MAU2: variants seen among roughly 807,000 people sequenced by gnomAD.
MAU2 encodes the protein MAU2 sister chromatid cohesion factor, also known as MAU2 chromatid cohesion factor homolog.
Under a neutral mutation model 89.1 loss-of-function variants are expected in MAU2, and 9 were observed. That is an observed-to-expected ratio of 0.10 (90% confidence interval 0.06 to 0.18). MAU2 has a LOEUF of 0.18. MAU2 is among the 10% of genes least tolerant of loss of function. The probability of loss-of-function intolerance (pLI) is 1.00; values close to 1 mark genes in which losing one functional copy is unlikely to be tolerated. For missense variants in MAU2, 425 were observed against 803.5 expected, an observed-to-expected ratio of 0.53 and a Z score of 5.69; for synonymous variants, 357 against 343.4, an observed-to-expected ratio of 1.04 and a Z score of -0.44.
Position 19,341,281 on chromosome 19 carries a change from G to A in MAU2, c.609G>A (p.Glu203=). ...MLLLMERKLQ[E]VHPLLTLCGQ... ...TGCTGATGGAGCGAAAGCTGCAGGA[G>A]GTGCACCCGCTGCTGACCCTCTGCG... Residue 203 remains glutamate, a synonymous_variant, in exon 7 of 19, where the codon GAG becomes GAA. Transcript: ENST00000262815. 6 of 1,612,480 alleles carry A rather than the reference G, an allele frequency of 3.7e-6. No homozygotes were observed. The highest frequency in any genetic ancestry group is 5.1e-6 in the Non-Finnish European group (6 of 1,179,996).
chr19:19,325,382 G>T (rs935649307), intron 1 of MAU2, among the ~76,000 whole-genome samples: 4 of 151,972 alleles, frequency 2.6e-5, no homozygotes, highest in African/African-American at 9.7e-5. Flanking sequence ...CACCACGTTG[G>T]TCAGGCTGGC....
intron 4 of MAU2, among the ~76,000 whole-genome samples, chr19:19,337,524 G>A (rs1053861936): frequency 6.6e-5 from 10 of 152,242 alleles, no homozygotes; most frequent in Non-Finnish European, 1.0e-4. Context: ...GGGCTTCCCC[G>A]GGGCCAACAC....
chr19:19,327,793 G>A (rs2061523714), intron 1 of MAU2, among the ~76,000 whole-genome samples: 3 of 152,104 alleles, frequency 2.0e-5, no homozygotes, highest in African/African-American at 7.2e-5. Flanking sequence ...GCAGATTCTG[G>A]AGCTGTTACA....
chr19:19,342,701 C>T lies in MAU2; in HGVS notation c.882+20C>T, dbSNP rs376078783. On this transcript the variant is annotated intron_variant, in intron 8 of 18. Coordinates refer to ENST00000262815, the MANE Select transcript of MAU2 (RefSeq NM_015329.4). ...TACCTGGTGCGTCCCCACCAGGGCC[C>T]GGGCCAGGGCTGGGGGCGGGGGCAG... 21 of 1,612,888 alleles carry T rather than the reference C, an allele frequency of 1.3e-5. No individual in the cohort carries two copies. The highest frequency in any genetic ancestry group is 4.0e-5 in the African/African-American group (3 of 74,878).
At chr19:19,342,724 C>CAGGGAG (rs758141145) in intron 8 of MAU2, 43 bp downstream of exon 8, 10 of 1,613,084 alleles carry the variant, frequency 6.2e-6, no homozygotes, top group Admixed American at 3.3e-5. Flanking sequence ...GGGGCGGGGG[C>CAGGGAG]AGGGAGAGGG....
At chr19:19,351,780 C>T (rs1335646964) in intron 16 of MAU2, among the ~76,000 whole-genome samples, 1 of 151,700 alleles carries the variant, frequency 6.6e-6, no homozygotes, top group East Asian at 1.9e-4. Context: ...TGTCATCCAT[C>T]CCTTCCCACT....
At chr19:19,335,855 A>G in intron 2 of MAU2, 120 bp downstream of exon 2, 1 of 1,173,688 alleles carries the variant, frequency 8.5e-7, no homozygotes, top group Non-Finnish European at 1.3e-6. Context: ...CGGCCCACAG[A>G]GCACCTGGAG....
intron 18 of MAU2, 94 bp downstream of exon 18, chr19:19,355,485 A>C: frequency 6.5e-7 from 1 of 1,537,680 alleles, no homozygotes. Context: ...TCTTTTGTCC[A>C]ACAAACCCTA....
In MAU2 at chr19:19,345,706, C is replaced by T. The variant is rs1229857429; in HGVS notation, c.1221+337C>T. Among the ~76,000 whole-genome samples, 1 of 152,172 alleles carries T rather than the reference C, an allele frequency of 6.6e-6. No homozygotes were observed. ...GATTGGCTCAAGTGTCAGCTGACAA[C>T]TCAGAGCCATCCTGGGTTCAGGGCT... is the stretch of plus-strand genomic sequence containing the variant. On this transcript the variant is annotated intron_variant, in intron 12 of 18. Coordinates refer to ENST00000262815, the MANE Select transcript of MAU2 (RefSeq NM_015329.4). This position sits in a 1 kb window ranked among gnomAD's most constrained non-coding sequence, Gnocchi z 4.9.
At chr19:19,353,589 TG>T (rs1351820156) in intron 16 of MAU2, 3 of 152,326 alleles carry the variant, frequency 2.0e-5, no homozygotes, top group Non-Finnish European at 4.4e-5. Flanking sequence ...AAGTGCTCCC[TG>T]GGCTGCCAGG....
At chr19:19,328,284 ATTC>A (rs939927034) in intron 1 of MAU2, among the ~76,000 whole-genome samples, 2 of 147,704 alleles carry the variant, frequency 1.4e-5, no homozygotes, top group Non-Finnish European at 3.0e-5. Context: ...GTAAGTTTTC[ATTC>A]TTCTCCTCTC....
At chr19:19,353,717 C>T (rs2061762519) in intron 16 of MAU2, 1 of 157,292 alleles carries the variant, frequency 6.4e-6, no homozygotes, top group Non-Finnish European at 1.4e-5. Context: ...CTGTGTAGCA[C>T]AGGCTCCTGT....
rs145523095 is a variant in MAU2, at chr19:19,340,779, G to A, written c.552-67G>A. ...CATATTAGGTCCTGTGAGCCTTGGG[G>A]TAATCACAGTCATCCCAGGAGGCTC... On this transcript the variant is annotated intron_variant, in intron 5 of 18. Transcript: ENST00000262815. 1.1e-5 allele frequency: 18 copies of A among 1,571,456 alleles called. No individual in the cohort carries two copies. In the Admixed American group the frequency reaches 1.6e-4, roughly 14 times the overall value.
At chr19:19,322,991 A>G (rs1279334197) in intron 1 of MAU2, among the ~76,000 whole-genome samples, 1 of 152,132 alleles carries the variant, frequency 6.6e-6, no homozygotes, top group Non-Finnish European at 1.5e-5. Context: ...CCCGGGTTCA[A>G]GTGATTCTCC....
rs2061685661 is a variant in MAU2, at chr19:19,345,460, T to C, written c.1221+91T>C. On this transcript the variant is annotated intron_variant, in intron 12 of 18. Transcript: ENST00000262815. The surrounding 1 kb of genome is among the most constrained non-coding windows in gnomAD (Gnocchi z 4.9). Reference sequence around the variant, plus strand: ...TCTGTGATGAGGACAGCAGTCGCGCTAGGTCAGCTATGCAAAGCCGCAGCC... The same window carrying C: ...TCTGTGATGAGGACAGCAGTCGCGCCAGGTCAGCTATGCAAAGCCGCAGCC... 1 of 1,264,368 alleles carries C rather than the reference T, an allele frequency of 7.9e-7. No homozygotes were observed. The highest frequency in any genetic ancestry group is 1.1e-6 in the Non-Finnish European group (1 of 876,536). The allele number at this position is 1,264,368 out of a possible 1,614,324, so 78.3% of individuals were successfully genotyped here. A position where few individuals can be genotyped will look rare whatever the true frequency, so the allele number is the denominator to read the frequency against.
chr19:19,344,771 A>T, intron 10 of MAU2, 78 bp from the exon 11 acceptor site: 2 of 1,192,838 alleles, frequency 1.7e-6, no homozygotes, highest in Non-Finnish European at 2.5e-6. Flanking sequence ...CCCACCAGCT[A>T]TGGGGTCTCT....
chr19:19,333,510 T>C (rs2061573185), intron 1 of MAU2, among the ~76,000 whole-genome samples: 1 of 152,114 alleles, frequency 6.6e-6, no homozygotes, highest in Non-Finnish European at 1.5e-5. Flanking sequence ...GCTGTTGCTA[T>C]GAGGAGACAT....
intron 1 of MAU2, among the ~76,000 whole-genome samples, chr19:19,332,434 T>C (rs1209817179): frequency 1.3e-5 from 2 of 151,722 alleles, no homozygotes; most frequent in East Asian, 3.9e-4. Context: ...TTTGTATGTA[T>C]TTGAAGTGGG....
In MAU2 at chr19:19,345,402, G is replaced by T; in HGVS notation, c.1221+33G>T. 3 of 1,607,948 alleles carry T rather than the reference G, an allele frequency of 1.9e-6. No individual in the cohort carries two copies. The highest frequency in any genetic ancestry group is 1.7e-6 in the Non-Finnish European group (2 of 1,176,236). On this transcript the variant is annotated intron_variant, in intron 12 of 18. Coordinates refer to ENST00000262815, the MANE Select transcript of MAU2 (RefSeq NM_015329.4). This position sits in a 1 kb window ranked among gnomAD's most constrained non-coding sequence, Gnocchi z 4.9. ...GCCGGCCCTCCTTGCTGCTCGGGGC[G>T]GGCCACACTTCTGAGTAAGGAGTCG...
Sources: allele counts gnomAD v4.1 joint callset (sites outside exome capture counted in the v4.1 genomes callset), GRCh38; gene constraint gnomAD v4.1.1; non-coding constraint Gnocchi (gnomAD v3.1); transcripts MANE v1.5; gene names NCBI Gene and HGNC (gene_info 2026-07-23, HGNC 2026-07-21).